DDHD1: variants seen among roughly 807,000 people sequenced by gnomAD.
DDHD1 encodes DDHD domain containing 1, also known as phospholipase DDHD1.
In DDHD1, 49 loss-of-function variants were observed where a neutral mutation model predicts 96.4. That is an observed-to-expected ratio of 0.51 (90% CI 0.40 to 0.64). The LOEUF (loss-of-function observed/expected upper bound fraction) is 0.64. Among genes scored for constraint, DDHD1 ranks in the 30% least tolerant of loss-of-function variants. The pLI is 0.00. For synonymous variants in DDHD1, 442 were observed against 446.5 expected, an observed-to-expected ratio of 0.99 and a Z score of 0.13; for missense variants, 1,106 against 1,161.2, an observed-to-expected ratio of 0.95 and a Z score of 0.69.
At chr14:53,139,532 A>G (rs763679610) in intron 1 of DDHD1, among the ~76,000 whole-genome samples, 2 of 151,804 alleles carry the variant, frequency 1.3e-5, no homozygotes, top group Non-Finnish European at 2.9e-5. Context: ...ACACAGATCA[A>G]CTCCCAACTA....
intron 3 of DDHD1, chr14:53,092,178 T>C (rs1886483437): frequency 6.8e-6 from 2 of 293,396 alleles, no homozygotes; most frequent in East Asian, 1.1e-4. Flanking sequence ...AAACTGAATA[T>C]ATAAAAATTT....
intron 12 of DDHD1, 133 bp downstream of exon 12, chr14:53,051,711 T>A: frequency 2.9e-6 from 2 of 697,802 alleles, no homozygotes; most frequent in Non-Finnish European, 4.6e-6. Flanking sequence ...AAAATACACA[T>A]AAAATAGTCT....
At chr14:53,119,649 A>C (rs1322613942) in intron 1 of DDHD1, among the ~76,000 whole-genome samples, 1 of 152,242 alleles carries the variant, frequency 6.6e-6, no homozygotes, top group Admixed American at 6.5e-5. Flanking sequence ...CTGGTTCAAC[A>C]CATGCAAATC....
chr14:53,094,542 A>G (rs1181859496), intron 2 of DDHD1, among the ~76,000 whole-genome samples: 1 of 151,614 alleles, frequency 6.6e-6, no homozygotes, highest in African/African-American at 2.4e-5. Flanking sequence ...TCTCTTAAAA[A>G]GAAAACTAAA....
rs1566616175 is a variant in DDHD1, at chr14:53,152,763, G to GCCGCCA, written c.335_336insTGGCGG (p.Gly111_Gly112dup). 2.8e-6 allele frequency: 4 copies of GCCGCCA among 1,445,296 alleles called. No homozygotes were observed. Among genetic ancestry groups the GCCGCCA allele is most frequent in the Admixed American group, 2.3e-5 (1 of 43,160 alleles). The allele number at this position is 1,445,296 out of a possible 1,614,324, so 89.5% of individuals were successfully genotyped here. The stretch of plus-strand genomic sequence containing the variant: ...GCGGCGGGTGCAGCGACAAGGAGCT[G>GCCGCCA]CCGCCGCCGCCGCTCTCACCCTCGC... On this transcript the variant is annotated inframe_insertion, in exon 1 of 13. Coordinates refer to ENST00000673822, the MANE Select transcript of DDHD1 (RefSeq NM_001160148.2).
At chr14:53,107,138 A>G (rs1887747908) in intron 1 of DDHD1, among the ~76,000 whole-genome samples, 1 of 152,198 alleles carries the variant, frequency 6.6e-6, no homozygotes, top group Admixed American at 6.5e-5. Flanking sequence ...CTTAAATAGT[A>G]TTGAACCTTA....
At chr14:53,068,723 G>A (rs1020917051) in intron 6 of DDHD1, among the ~76,000 whole-genome samples, 1 of 152,178 alleles carries the variant, frequency 6.6e-6, no homozygotes, top group South Asian at 2.1e-4. Flanking sequence ...GGAATACCCA[G>A]TTTAGGTACT....
chr14:53,084,534 T>TA (rs1885758549), intron 4 of DDHD1, among the ~76,000 whole-genome samples: 1 of 152,080 alleles, frequency 6.6e-6, no homozygotes, highest in African/African-American at 2.4e-5. Context: ...CATCAGAGAG[T>TA]AAAATCAGGA....
Position 53,058,626 on chromosome 14 carries a change from C to T in DDHD1, c.1843G>A (p.Val615Ile), listed in dbSNP as rs766414432. The T allele has an allele frequency of 1.3e-6, 2 of 1,585,994 alleles. No homozygotes were observed. The highest frequency in any genetic ancestry group is 2.4e-5 in the South Asian group (2 of 84,586). The change falls in exon 9 of 13, where the codon GTT (valine) becomes ATT (isoleucine). Residue 615 changes from valine to isoleucine, a missense_variant and splice_region_variant. Transcript: ENST00000673822. ...MTQTPALKFK[V>I]ENFFCMGSPL... ...GATCCCATACAGAAGAAATTCTCAA[C>T]CTAAAATGATAAAGTCATCTTAAAG... is the stretch of plus-strand genomic sequence containing the variant.
intron 1 of DDHD1, 147 bp from the exon 2 acceptor site, chr14:53,104,003 G>A: frequency 2.9e-6 from 2 of 683,426 alleles, no homozygotes; most frequent in South Asian, 4.9e-5. Context: ...TTTTATTTAT[G>A]TTTATTTATT....
chr14:53,095,762 A>T (rs1452628116), intron 2 of DDHD1, among the ~76,000 whole-genome samples: 1 of 152,166 alleles, frequency 6.6e-6, no homozygotes, highest in South Asian at 2.1e-4. Flanking sequence ...TCAAGCTCTT[A>T]TATGTTTCTA....
chr14:53,093,210 T>C, intron 3 of DDHD1, 106 bp downstream of exon 3: 1 of 1,166,354 alleles, frequency 8.6e-7, no homozygotes, highest in Non-Finnish European at 1.1e-6. Flanking sequence ...CTAAATTTAA[T>C]ATACTTAAAA....
At chr14:53,138,862 G>A (rs1309514826) in intron 1 of DDHD1, among the ~76,000 whole-genome samples, 1 of 152,120 alleles carries the variant, frequency 6.6e-6, no homozygotes, top group Admixed American at 6.5e-5. Context: ...AAGAAAGACT[G>A]AGGGAAGGGC....
chr14:53,141,636 G>C (rs756468873), intron 1 of DDHD1, among the ~76,000 whole-genome samples: 1 of 152,172 alleles, frequency 6.6e-6, no homozygotes, highest in Non-Finnish European at 1.5e-5. Context: ...ATCCAACAGA[G>C]GCAATCAGAA....
At chr14:53,063,266 C>A in intron 6 of DDHD1, 61 bp from the exon 7 acceptor site, 1 of 1,533,012 alleles carries the variant, frequency 6.5e-7, no homozygotes, top group South Asian at 1.2e-5. Context: ...TACACTTATT[C>A]TAAACTCAAA....
At chr14:53,062,534 TA>T (rs1304133350) in intron 7 of DDHD1, among the ~76,000 whole-genome samples, 3 of 151,904 alleles carry the variant, frequency 2.0e-5, no homozygotes, top group Admixed American at 6.6e-5. Context: ...TATATTTGCT[TA>T]AAAAAAGCAC....
chr14:53,091,838 C>A lies in DDHD1; in HGVS notation c.1236G>T (p.Val412=), dbSNP rs765842543. 1.2e-6 allele frequency: 2 copies of A among 1,613,718 alleles called. No homozygotes were observed. Among genetic ancestry groups the A allele is most frequent in the Admixed American group, 1.7e-5 (1 of 60,012 alleles). ...PSQTTHIVFV[V]HGIGQKMDQG... ...GGTCCATTTTCTGCCCAATGCCATGCACAACAAATACAATATGGGTAGTCT... is the reference window on the plus strand; with the variant it reads ...GGTCCATTTTCTGCCCAATGCCATGAACAACAAATACAATATGGGTAGTCT... Residue 412 remains valine (V), a synonymous_variant, in exon 4 of 13, where the codon GTG becomes GTT. Coordinates refer to ENST00000673822, the MANE Select transcript of DDHD1 (RefSeq NM_001160148.2).
intron 1 of DDHD1, among the ~76,000 whole-genome samples, chr14:53,124,643 G>GT (rs1889296754): frequency 6.6e-6 from 1 of 152,170 alleles, no homozygotes; most frequent in African/African-American, 2.4e-5. Context: ...TCCGGACAAT[G>GT]TAAGTATACC....
At chr14:53,094,746 AG>A (rs1382623006) in intron 2 of DDHD1, among the ~76,000 whole-genome samples, 1 of 151,870 alleles carries the variant, frequency 6.6e-6, no homozygotes, top group Non-Finnish European at 1.5e-5. Flanking sequence ...TGGGAGGCTG[AG>A]GCAGGAGGAT....
Sources: gnomAD v4.1 joint callset for allele counts (sites outside exome capture counted in the v4.1 genomes callset) on GRCh38, gnomAD v4.1.1 for gene constraint, MANE v1.5 for transcripts, NCBI Gene and HGNC (gene_info 2026-07-23, HGNC 2026-07-21) for gene names.